The following MID2 variants were observed in gnomAD, a reference collection of about 807,000 sequenced individuals.
MID2 encodes the protein probable E3 ubiquitin-protein ligase MID2.
A neutral mutation model predicts 46.1 loss-of-function variants in MID2; 13 were observed. That is an observed-to-expected ratio of 0.28 (90% CI 0.18 to 0.45). MID2 has a LOEUF of 0.45. Among genes scored for constraint, MID2 ranks in the 20% least tolerant of loss-of-function variants. The pLI, the probability that MID2 is intolerant of heterozygous loss-of-function variation, is 1.00. For missense variants in MID2, 431 were observed against 575.4 expected (o/e 0.75, Z 2.57); for synonymous variants, 199 against 212.3 (o/e 0.94, Z 0.55).
chrX:107,876,719 G>A (rs147036340), intron 3 of MID2, among the ~76,000 whole-genome samples: 2,628 of 112,038 alleles, frequency 0.023, 30 homozygotes, highest in Non-Finnish European at 0.04. Context: ...CAGTGTTAGG[G>A]TTTGATTCAA....
intron 3 of MID2, among the ~76,000 whole-genome samples, chrX:107,891,071 G>A (rs1415924788): frequency 9.1e-6 from 1 of 110,006 alleles, no homozygotes; most frequent in African/African-American, 3.3e-5. Context: ...CCTGGGTGAG[G>A]CGATGCCTCA....
intron 3 of MID2, among the ~76,000 whole-genome samples, chrX:107,884,303 T>G (rs950865656): frequency 8.9e-6 from 1 of 112,226 alleles, no homozygotes; most frequent in African/African-American, 3.2e-5. Context: ...GCGTAGCAAC[T>G]TGGAGTTGGA....
intron 5 of MID2, among the ~76,000 whole-genome samples, chrX:107,908,044 C>G (rs1932851493): frequency 8.9e-6 from 1 of 112,139 alleles, no homozygotes; most frequent in Non-Finnish European, 1.9e-5. Flanking sequence ...TTACAATTGT[C>G]CAACTAGTAA....
chrX:107,879,625 G>A (rs1375221815), intron 3 of MID2, among the ~76,000 whole-genome samples: 1 of 111,878 alleles, frequency 8.9e-6, no homozygotes. Context: ...AGGAATGGAT[G>A]TTCTCACTTT....
chrX:107,893,447 T>C (rs1932646885), intron 3 of MID2, among the ~76,000 whole-genome samples: 1 of 112,789 alleles, frequency 8.9e-6, no homozygotes, highest in Admixed American at 9.4e-5. Flanking sequence ...CATTATTACT[T>C]AAAGAAATCG....
intron 3 of MID2, among the ~76,000 whole-genome samples, chrX:107,877,243 G>A (rs748967308): frequency 1.3e-4 from 15 of 112,224 alleles, no homozygotes; most frequent in East Asian, 2.8e-4. Context: ...CGATGGTATT[G>A]AAATGAATGG....
intron 3 of MID2, among the ~76,000 whole-genome samples, chrX:107,880,938 G>C (rs187231234): frequency 8.9e-6 from 1 of 112,815 alleles, no homozygotes; most frequent in Non-Finnish European, 1.9e-5. Context: ...TTGCAAAGGC[G>C]ATTTCAAAAT....
intron 3 of MID2, among the ~76,000 whole-genome samples, chrX:107,858,914 G>A (rs1931798419): frequency 8.9e-6 from 1 of 111,746 alleles, no homozygotes; most frequent in South Asian, 3.7e-4. Context: ...AGAGCTGGAC[G>A]GCACTGCTCT....
Position 107,882,797 on chromosome X carries a change from AT to A in MID2, c.817-21159del, listed in dbSNP as rs774324280. Among the ~76,000 whole-genome samples, 801 of 112,131 alleles carry A rather than the reference AT, an allele frequency of 7.1e-3. 6 individuals are homozygous for A. Among genetic ancestry groups the A allele is most frequent in the Non-Finnish European group, 0.013 (694 of 53,211 alleles). On this transcript the variant is annotated intron_variant, in intron 3 of 9. Transcript: ENST00000262843. ...AACCATTGTGGAAGACAGCGTGGCA[AT>A]TCTTCAAGGATCTGGAACTAGAAAT...
At chrX:107,844,843 C>T (rs940692352) in intron 2 of MID2, among the ~76,000 whole-genome samples, 1 of 111,726 alleles carries the variant, frequency 9.0e-6, no homozygotes. Context: ...ATAATTCAAA[C>T]CCCATAAGAC....
At chrX:107,913,199 T>TCTATATATACTCTATATATAC (rs1932917663) in intron 5 of MID2, among the ~76,000 whole-genome samples, 1 of 112,065 alleles carries the variant, frequency 8.9e-6, no homozygotes, top group Non-Finnish European at 1.9e-5. Flanking sequence ...ATATACTATA[T>TCTATATATACTCTATATATAC]TATACTCTAC....
intron 8 of MID2, among the ~76,000 whole-genome samples, chrX:107,925,106 T>C (rs1487607688): frequency 4.5e-5 from 5 of 112,094 alleles, no homozygotes; most frequent in Admixed American, 2.8e-4. Context: ...CCTCTCAAGA[T>C]AGGAAAGAGG....
intron 5 of MID2, among the ~76,000 whole-genome samples, chrX:107,908,012 T>C (rs893228724): frequency 2.7e-5 from 3 of 112,000 alleles, no homozygotes; most frequent in African/African-American, 3.2e-5. Flanking sequence ...AGAACGATGT[T>C]CAGAGAGGTT....
chrX:107,925,285 T>C (rs1212882685), intron 8 of MID2, among the ~76,000 whole-genome samples: 1 of 111,831 alleles, frequency 8.9e-6, no homozygotes, highest in Non-Finnish European at 1.9e-5. Context: ...CCGGCCTCTA[T>C]AGTGAAAGTG....
chrX:107,850,040 G>A (rs1306278198), intron 2 of MID2, among the ~76,000 whole-genome samples: 2 of 111,848 alleles, frequency 1.8e-5, no homozygotes, highest in African/African-American at 6.5e-5. Flanking sequence ...TGCACTAACC[G>A]GGCTTGAACA....
chrX:107,830,056 T>C (rs1027175627), intron 1 of MID2, among the ~76,000 whole-genome samples: 1 of 111,835 alleles, frequency 8.9e-6, no homozygotes, highest in Non-Finnish European at 1.9e-5. Context: ...TCATCCCTCC[T>C]CCCATAAAAT....
In MID2 at chrX:107,891,424, G is replaced by A. The variant is rs145257502; in HGVS notation, c.817-12534G>A. Among the ~76,000 whole-genome samples the A allele has an allele frequency of 4.1e-3, 452 of 109,678 alleles. 2 individuals are homozygous for A. Among genetic ancestry groups the A allele is most frequent in the Middle Eastern group, 0.014 (3 of 215 alleles). On this transcript the variant is annotated intron_variant, in intron 3 of 9. Transcript: ENST00000262843. ...GACTCCCGAGTAGCTGAGATTACAG[G>A]CATGCGCCACCATGCCTGGCTATTT...
chrX:107,918,840 TAAG>T (rs969453345), intron 7 of MID2, among the ~76,000 whole-genome samples: 2 of 112,467 alleles, frequency 1.8e-5, no homozygotes, highest in African/African-American at 3.2e-5. Flanking sequence ...TCCCAGGAAT[TAAG>T]AAGAAGTCTG....
At chrX:107,890,628 ACTC>A (rs1168667898) in intron 3 of MID2, among the ~76,000 whole-genome samples, 3 of 110,672 alleles carry the variant, frequency 2.7e-5, no homozygotes, top group Non-Finnish European at 5.7e-5. Context: ...TGGGAGAACC[ACTC>A]CTCTCTTCAA....
Sources: allele counts gnomAD v4.1 joint callset (sites outside exome capture counted in the v4.1 genomes callset), GRCh38; gene constraint gnomAD v4.1.1; transcripts MANE v1.5; gene names NCBI Gene and HGNC (gene_info 2026-07-23, HGNC 2026-07-21).